SUN3: variants seen among roughly 807,000 people sequenced by gnomAD.
SUN3 encodes the protein Sad1 and UNC84 domain containing 3.
In SUN3, 36 loss-of-function variants were observed where a neutral mutation model predicts 48.2. The observed-to-expected ratio is 0.75, with a 90% CI of 0.57 to 0.99. The LOEUF is 0.99. SUN3 is among the 50% of genes least tolerant of loss of function. The pLI, the probability that SUN3 is intolerant of heterozygous loss-of-function variation, is 0.00. For synonymous variants in SUN3, 148 were observed against 147.9 expected (o/e 1.00, Z 0.00); for missense variants, 419 against 433.1 (o/e 0.97, Z 0.29).
rs180925295 is a variant in SUN3 at position 48,023,901 on chromosome 7, T to C, written c.184+1976A>G. Among the ~76,000 whole-genome samples, 457 of 152,318 alleles carry C rather than the reference T, an allele frequency of 3.0e-3. 5 individuals carry two copies. Among genetic ancestry groups the C allele is most frequent in the African/African-American group, 0.011 (444 of 41,594 alleles). On this transcript the variant is annotated intron_variant, in intron 2 of 9. Coordinates refer to ENST00000297325, the MANE Select transcript of SUN3 (RefSeq NM_001030019.2). ...GGATAATGATAGACATATAGACTAA[T>C]GGGCTAGAATATCCAGAAATAAACC... is the stretch of plus-strand genomic sequence containing the variant.
intron 6 of SUN3, among the ~76,000 whole-genome samples, chr7:48,001,531 GTTTTT>G (rs1166666161): frequency 9.0e-6 from 1 of 110,516 alleles, no homozygotes; most frequent in Non-Finnish European, 1.8e-5. Context: ...TGTTTTTTTT[GTTTTT>G]TTTTTTTTTT....
chr7:47,995,284 G>C (rs952460552), intron 7 of SUN3, among the ~76,000 whole-genome samples: 6 of 150,420 alleles, frequency 4.0e-5, no homozygotes, highest in Non-Finnish European at 8.8e-5. Flanking sequence ...TGATGGTGGT[G>C]GCGGTGATGG....
At chr7:48,027,761 A>G (rs912290274) in intron 1 of SUN3, among the ~76,000 whole-genome samples, 22 of 152,124 alleles carry the variant, frequency 1.4e-4, no homozygotes, top group Non-Finnish European at 2.5e-4. Flanking sequence ...ACCAACTAAG[A>G]AGAGAATTTT....
rs988489717 is a variant in SUN3 at position 48,023,080 on chromosome 7, A to G, written c.184+2797T>C. 3.3e-5 allele frequency among the ~76,000 whole-genome samples: 5 copies of G among 152,276 alleles called. 1 individual carries two copies. The highest frequency in any genetic ancestry group is 1.2e-4 in the African/African-American group (5 of 41,584). On this transcript the variant is annotated intron_variant, in intron 2 of 9. Transcript: ENST00000297325. Reference sequence around the variant, plus strand: ...GCCGCATGAAGCAATCAAAATCTCCAGTAAAGGTAACAGAGAGGTAAATAT... The same window carrying G: ...GCCGCATGAAGCAATCAAAATCTCCGGTAAAGGTAACAGAGAGGTAAATAT...
upstream of SUN3, among the ~76,000 whole-genome samples, chr7:48,029,394 A>G (rs79697222): frequency 6.6e-6 from 1 of 152,262 alleles, no homozygotes; most frequent in East Asian, 1.9e-4. Flanking sequence ...TTTTCCACAG[A>G]TAACTACAAC....
Position 48,007,231 on chromosome 7 carries a change from A to G in SUN3, c.426T>C (p.Asp142=), listed in dbSNP as rs186734784. ...TCCAGTTGTGATTATTGTCCATACC[A>G]TCCTTCATATCTCTTAGCAATGCCT... The part of the protein sequence containing the change: ...VLKALLRDMK[D]GMDNNHNWNT... The change falls in exon 5 of 10, where the codon GAT becomes GAC. Residue 142 remains aspartate (D), a synonymous_variant. Transcript: ENST00000297325. 3.5e-5 allele frequency: 57 copies of G among 1,613,890 alleles called. No homozygotes were observed. The African/African-American group carries it at 6.1e-4, about 17-fold the overall frequency.
chr7:48,033,880 C>T (rs1410372715), upstream of SUN3, among the ~76,000 whole-genome samples: 1 of 152,172 alleles, frequency 6.6e-6, no homozygotes, highest in Non-Finnish European at 1.5e-5. Context: ...ATGGCAAAAC[C>T]CCATGTGTAC....
At chr7:48,002,678 T>G (rs111849579) in intron 6 of SUN3, among the ~76,000 whole-genome samples, 4,152 of 152,306 alleles carry the variant, frequency 0.027, 190 homozygotes, top group African/African-American at 0.094. Flanking sequence ...ATTCTGTAGG[T>G]TGTCTGTTTA....
intron 4 of SUN3, among the ~76,000 whole-genome samples, chr7:48,007,915 C>T (rs1789576945): frequency 6.6e-6 from 1 of 151,916 alleles, no homozygotes; most frequent in African/African-American, 2.4e-5. Flanking sequence ...CCTCCGCCTC[C>T]CGGGTTCAAG....
chr7:48,004,954 C>G (rs1789483474), intron 6 of SUN3, among the ~76,000 whole-genome samples: 1 of 152,198 alleles, frequency 6.6e-6, no homozygotes, highest in South Asian at 2.1e-4. Context: ...CAGGCTTTCT[C>G]TATCTTGGCC....
At chr7:47,990,495 C>G (rs150502295) in intron 8 of SUN3, among the ~76,000 whole-genome samples, 43 of 152,040 alleles carry the variant, frequency 2.8e-4, no homozygotes, top group Non-Finnish European at 4.3e-4. Context: ...GGTGCCGGCG[C>G]GGGTCCTCCG....
Position 47,988,842 on chromosome 7 carries a change from T to C in SUN3, c.900A>G (p.Leu300=). 1.2e-6 allele frequency: 2 copies of C among 1,607,046 alleles called. No individual in the cohort carries two copies. Among genetic ancestry groups the C allele is most frequent in the Non-Finnish European group, 1.7e-6 (2 of 1,176,136 alleles). Residue 300 remains leucine (L), a synonymous_variant, in exon 9 of 10, where the codon CTA becomes CTG. Transcript: ENST00000297325. ...TKKCEGEEIF[L]GQFIYNKTGT... is the part of the protein sequence containing the mutation. ...CTGTTTTGTTATATATAAACTGACC[T>C]AGGAAAATTTCTTCTCCTTCACATT...
At chr7:47,995,964 A>T (rs1789199923) in intron 7 of SUN3, 67 bp downstream of exon 7, 2 of 1,022,334 alleles carry the variant, frequency 2.0e-6, no homozygotes, top group South Asian at 3.3e-5. Context: ...TAAAATTAAC[A>T]TTTTCATGAT....
chr7:48,000,735 G>GT (rs35109871), intron 6 of SUN3, among the ~76,000 whole-genome samples: 12 of 151,120 alleles, frequency 7.9e-5, no homozygotes, highest in East Asian at 3.9e-4. Flanking sequence ...ATAATGTGTA[G>GT]TTTTTTTTTA....
chr7:48,019,041 G>C (rs1408186107), intron 2 of SUN3, among the ~76,000 whole-genome samples: 1 of 152,118 alleles, frequency 6.6e-6, no homozygotes, highest in Non-Finnish European at 1.5e-5. Flanking sequence ...CTAAAATGAA[G>C]AACTTACTAG....
At chr7:48,030,148 C>T (rs955186487), upstream of SUN3, among the ~76,000 whole-genome samples, 3 of 152,100 alleles carry the variant, frequency 2.0e-5, no homozygotes, top group Admixed American at 6.5e-5. Context: ...TTTTGCTTTC[C>T]GTTCAACTGC....
Position 48,001,522 on chromosome 7 carries a change from G to T in SUN3, c.577+4447C>A, listed in dbSNP as rs1181903427. ...TTTAGGTTGGTTCCATGTCTTTTCTGTTTTTTTTGTTTTTTTTTTTTTTTT... is the reference window on the plus strand; with the variant it reads ...TTTAGGTTGGTTCCATGTCTTTTCTTTTTTTTTTGTTTTTTTTTTTTTTTT... On this transcript the variant is annotated intron_variant, in intron 6 of 9. Coordinates refer to ENST00000297325, the MANE Select transcript of SUN3 (RefSeq NM_001030019.2). 8.8e-4 allele frequency among the ~76,000 whole-genome samples: 107 copies of T among 121,870 alleles called. 1 individual carries two copies. The highest frequency in any genetic ancestry group is 2.0e-3 in the South Asian group (7 of 3,558). 80.0% of individuals were successfully genotyped at this position (121,870 alleles called of 152,430 possible).
chr7:48,004,578 C>T (rs1789472618), intron 6 of SUN3, among the ~76,000 whole-genome samples: 1 of 152,262 alleles, frequency 6.6e-6, no homozygotes, highest in Non-Finnish European at 1.5e-5. Flanking sequence ...AGGCCAGAAG[C>T]TGGCCGCAAA....
At chr7:48,010,222 G>A (rs1374809800) in intron 3 of SUN3, among the ~76,000 whole-genome samples, 2 of 152,090 alleles carry the variant, frequency 1.3e-5, no homozygotes, top group Non-Finnish European at 2.9e-5. Flanking sequence ...GGTTGGAGAA[G>A]GTCAATAATA....
Sources: gnomAD v4.1 joint callset for allele counts (sites outside exome capture counted in the v4.1 genomes callset) on GRCh38, gnomAD v4.1.1 for gene constraint, MANE v1.5 for transcripts, NCBI Gene and HGNC (gene_info 2026-07-23, HGNC 2026-07-21) for gene names.